GUSB: variants seen among roughly 807,000 people sequenced by gnomAD.
The protein encoded by GUSB is beta-glucuronidase.
A neutral mutation model predicts 74.6 loss-of-function variants in GUSB; 51 were observed. The ratio of observed to expected loss-of-function variants is 0.68; its 90% confidence interval spans 0.55 to 0.86. The LOEUF is 0.86. Ranked by LOEUF, GUSB falls within the 40% of genes least tolerant of loss-of-function variation. GUSB has a pLI of 0.00. For synonymous variants in GUSB, 360 were observed against 348.3 expected (o/e 1.03, Z -0.37); for missense variants, 736 against 853.7 (o/e 0.86, Z 1.72).
At position 65,970,272 on chromosome 7, in the gene GUSB, C is replaced by T. The variant is rs758718116; in HGVS notation, c.1476+10G>A. 2 of 1,588,988 alleles carry T rather than the reference C, an allele frequency of 1.3e-6. No individual in the cohort carries two copies. The highest frequency in any genetic ancestry group is 4.5e-5 in the East Asian group (2 of 44,748). Reference sequence around the variant, plus strand: ...GCAGGGAGAAGTGGGGTGGGGACCCCCAGGCTCACCCCCTTGTCTGCTGCA... The same window carrying T: ...GCAGGGAGAAGTGGGGTGGGGACCCTCAGGCTCACCCCCTTGTCTGCTGCA... On this transcript the variant is annotated intron_variant, in intron 9 of 11. Transcript: ENST00000304895.
chr7:65,968,521 T>TC (rs1790991935), intron 9 of GUSB, among the ~76,000 whole-genome samples: 1 of 152,118 alleles, frequency 6.6e-6, no homozygotes, highest in African/African-American at 2.4e-5. Context: ...TCACTGGGCT[T>TC]CCCCTCACCT....
chr7:65,968,867 G>T (rs539175719), intron 9 of GUSB, among the ~76,000 whole-genome samples: 1 of 152,158 alleles, frequency 6.6e-6, no homozygotes, highest in African/African-American at 2.4e-5. Context: ...GATGATAGGT[G>T]TAAGCCACCA....
chr7:65,963,042 G>A (rs1790602506), intron 11 of GUSB, among the ~76,000 whole-genome samples: 2 of 151,964 alleles, frequency 1.3e-5, no homozygotes, highest in Non-Finnish European at 2.9e-5. Flanking sequence ...ATTTTTAGTA[G>A]AGATGGGGTT....
intron 1 of GUSB, 85 bp downstream of exon 1, chr7:65,981,889 G>A (rs1216607311): frequency 8.2e-6 from 10 of 1,220,002 alleles, no homozygotes; most frequent in African/African-American, 6.2e-5. Flanking sequence ...AGACGCCCAG[G>A]GGAAGAAGTC....
intron 1 of GUSB, chr7:65,981,711 G>A: frequency 2.6e-6 from 1 of 387,586 alleles, no homozygotes; most frequent in South Asian, 1.2e-4. Context: ...ATATTGAAAG[G>A]AAGGATACTG....
At chr7:65,977,741 C>T (rs1791678369) in intron 4 of GUSB, among the ~76,000 whole-genome samples, 2 of 151,782 alleles carry the variant, frequency 1.3e-5, no homozygotes, top group Admixed American at 1.3e-4. Context: ...TCAATAATCT[C>T]ACCACTGCAC....
intron 10 of GUSB, among the ~76,000 whole-genome samples, chr7:65,966,601 T>C (rs1010012791): frequency 3.3e-5 from 5 of 152,082 alleles, no homozygotes; most frequent in Non-Finnish European, 7.4e-5. Flanking sequence ...TAGACCAGCC[T>C]GATAGACTCC....
At chr7:65,971,922 C>T (rs1447941373) in intron 8 of GUSB, among the ~76,000 whole-genome samples, 3 of 151,790 alleles carry the variant, frequency 2.0e-5, no homozygotes, top group Admixed American at 1.3e-4. Context: ...GCCTGTAATC[C>T]CAGCTACTCG....
rs1791559651 is a variant in GUSB at position 65,976,145 on chromosome 7, C to CTTTTT, written c.781_782insAAAAA (p.Arg261GlnfsTer34). 6.2e-7 allele frequency: 1 copy of CTTTTT among 1,613,534 alleles called. No homozygotes were observed. Among genetic ancestry groups the CTTTTT allele is most frequent in the Non-Finnish European group, 8.5e-7 (1 of 1,179,770 alleles). On this transcript the variant is annotated frameshift_variant, in exon 5 of 12. Coordinates refer to ENST00000304895, the MANE Select transcript of GUSB (RefSeq NM_000181.4). LOFTEE classifies it high-confidence loss of function. The stretch of plus-strand genomic sequence containing the variant: ...GACTTTGTTTTCTGCATCCAAAAGA[C>CTTTTT]GCACTTCCAACTTGAACAGGTTACT...
chr7:65,970,763 CCTATAGT>C (rs1791149206), intron 8 of GUSB, among the ~76,000 whole-genome samples: 1 of 152,066 alleles, frequency 6.6e-6, no homozygotes, highest in African/African-American at 2.4e-5. Flanking sequence ...GTGGCCGGCG[CCTATAGT>C]CTGAGCTACT....
intron 8 of GUSB, 137 bp downstream of exon 8, chr7:65,974,158 C>T: frequency 1.3e-6 from 1 of 783,024 alleles, no homozygotes; most frequent in South Asian, 1.6e-5. Flanking sequence ...ATTTGGTCCC[C>T]TGAACTATCT....
intron 4 of GUSB, among the ~76,000 whole-genome samples, chr7:65,977,780 T>C (rs960498852): frequency 4.0e-5 from 6 of 151,698 alleles, no homozygotes; most frequent in East Asian, 1.9e-4. Flanking sequence ...GCAAGCCTCA[T>C]CTCAGAAAAA....
chr7:65,974,429 G>A lies in GUSB; in HGVS notation c.1257C>T (p.Asn419=). The A allele has an allele frequency of 6.2e-7, 1 of 1,614,206 alleles. No homozygotes were observed. Among genetic ancestry groups the A allele is most frequent in the Non-Finnish European group, 8.5e-7 (1 of 1,180,044 alleles). ...GCATGTGGTGATGCAGAGAAACGTT[G>A]TTGAAGAACTGCCTGCGGGCCAGGA... ...GVGLALPQFF[N]NVSLHHHMQV... The change falls in exon 8 of 12, where the codon AAC becomes AAT. Residue 419 remains asparagine (N), a synonymous_variant. Transcript: ENST00000304895.
chr7:65,974,231 C>A, intron 8 of GUSB, 64 bp downstream of exon 8: 1 of 1,555,444 alleles, frequency 6.4e-7, no homozygotes, highest in African/African-American at 1.4e-5. Flanking sequence ...ACATGCCCAC[C>A]GAGGCCAGCC....
chr7:65,966,567 A>G (rs1583896630), intron 10 of GUSB, among the ~76,000 whole-genome samples: 1 of 152,058 alleles, frequency 6.6e-6, no homozygotes, highest in Non-Finnish European at 1.5e-5. Context: ...CTGAGGCAGG[A>G]CAATCACGTA....
chr7:65,971,517 A>C (rs1791209361), intron 8 of GUSB, among the ~76,000 whole-genome samples: 1 of 152,182 alleles, frequency 6.6e-6, no homozygotes, highest in Non-Finnish European at 1.5e-5. Flanking sequence ...TCATGAGGTC[A>C]AGAGTTTGAG....
chr7:65,971,286 A>G (rs1791190931), intron 8 of GUSB, among the ~76,000 whole-genome samples: 1 of 152,206 alleles, frequency 6.6e-6, no homozygotes, highest in Admixed American at 6.6e-5. Flanking sequence ...GGTCCTGGGC[A>G]GTGGGAGTGG....
In GUSB at chr7:65,960,711, C is replaced by CTT; in HGVS notation, c.*184_*185dup. 1 of 618,312 alleles carries CTT rather than the reference C, an allele frequency of 1.6e-6. No homozygotes were observed. The allele number at this position is 618,312 out of a possible 1,614,324, so 38.3% of individuals were successfully genotyped here. Reference sequence around the variant, plus strand: ...TTCAGTAGCCACTTTCATGCCAACTCTTTATTTCCATAATAGAAAATCTTT... The same window carrying CTT: ...TTCAGTAGCCACTTTCATGCCAACTCTTTTTATTTCCATAATAGAAAATCTTT... On this transcript the variant is annotated 3_prime_UTR_variant, in exon 12 of 12. Transcript: ENST00000304895.
At position 65,967,815 on chromosome 7, in the gene GUSB, G is replaced by T. The variant is rs1790933779; in HGVS notation, c.1569C>A (p.Thr523=). Residue 523 remains threonine (T), a synonymous_variant, in exon 10 of 12, where the codon ACC becomes ACA. Transcript: ENST00000304895. ...HLELIQLQLA[T]QFENWYKKYQ... ...ACTTCTTATACCAGTTCTCAAACTG[G>T]GTGGCCAGCTGCAGCTGAATCAACT... 2 of 1,611,612 alleles carry T rather than the reference G, an allele frequency of 1.2e-6. No homozygotes were observed. The highest frequency in any genetic ancestry group is 1.3e-5 in the African/African-American group (1 of 75,018).
Sources: allele counts gnomAD v4.1 joint callset (sites outside exome capture counted in the v4.1 genomes callset), GRCh38; gene constraint gnomAD v4.1.1; transcripts MANE v1.5; gene names NCBI Gene and HGNC (gene_info 2026-07-23, HGNC 2026-07-21).